Variants in OTUD6B observed in about 807,000 individuals in gnomAD.
OTUD6B encodes deubiquitinase OTUD6B.
A neutral mutation model predicts 36.9 loss-of-function variants in OTUD6B; 41 were observed. The ratio of observed to expected loss-of-function variants is 1.11; its 90% CI spans 0.87 to 1.44. OTUD6B has a LOEUF of 1.44. OTUD6B is among the 40% of genes most tolerant of loss of function. The pLI is 0.00. For missense variants in OTUD6B, 356 were observed against 344.8 expected (o/e 1.03, Z -0.26); for synonymous variants, 114 against 114.2 (o/e 1.00, Z 0.01).
intron 4 of OTUD6B, among the ~76,000 whole-genome samples, chr8:91,080,086 A>G (rs1468512738): frequency 6.6e-6 from 1 of 152,144 alleles, no homozygotes; most frequent in Non-Finnish European, 1.5e-5. Flanking sequence ...TTTATTTCTC[A>G]GGGCTGATGT....
At position 91,078,696 on chromosome 8, in the gene OTUD6B, A is replaced by G. The variant is rs781198031; in HGVS notation, c.628+28A>G. The G allele has an allele frequency of 1.9e-5, 27 of 1,454,178 alleles. No individual in the cohort carries two copies. In the Middle Eastern group the frequency reaches 5.2e-4, roughly 28 times the overall value. The allele number at this position is 1,454,178 out of a possible 1,614,324, so 90.1% of individuals were successfully genotyped here. The stretch of plus-strand genomic sequence containing the variant: ...AATTTATTTTTCTTTACTATGTTTT[A>G]TTGTTGCTTTGTTGTAGTTGTTTTT... On this transcript the variant is annotated intron_variant, in intron 4 of 6. Transcript: ENST00000404789.
Position 91,085,875 on chromosome 8 carries a change from G to A in OTUD6B, c.*1007G>A, listed in dbSNP as rs1160135777. On this transcript the variant is annotated 3_prime_UTR_variant, in exon 7 of 7. Coordinates refer to ENST00000404789, the MANE Select transcript of OTUD6B (RefSeq NM_016023.5). ...CTTCTTGCCTCATTCTCTAGGATTTGAATAAAACCTTTGCCACTTATTTTA... is the reference window on the plus strand; with the variant it reads ...CTTCTTGCCTCATTCTCTAGGATTTAAATAAAACCTTTGCCACTTATTTTA... 1 of 151,998 alleles carries A rather than the reference G, an allele frequency of 6.6e-6. No homozygotes were observed. Among genetic ancestry groups the A allele is most frequent in the Non-Finnish European group, 1.5e-5 (1 of 67,942 alleles). 9.4% of individuals were successfully genotyped at this position (151,998 alleles called of 1,614,324 possible). A position where few individuals can be genotyped will look rare whatever the true frequency, so the allele number is the denominator to read the frequency against.
At chr8:91,081,329 C>A (rs1182284884) in intron 5 of OTUD6B, among the ~76,000 whole-genome samples, 1 of 151,264 alleles carries the variant, frequency 6.6e-6, no homozygotes, top group East Asian at 1.9e-4. Context: ...TACTTTTTAG[C>A]TCTAATTTTA....
In OTUD6B at chr8:91,071,151, C is replaced by A; in HGVS notation, c.96C>A (p.Gly32=). ...EKKELQAKIQ[G]MKNAVPKNDK... ...ATGGCTTTTCAGCCAAAATTCAGGG[C>A]ATGAAGAATGCTGTTCCCAAGAATG... The change falls in exon 2 of 7, where the codon GGC becomes GGA. Residue 32 remains glycine (G), a synonymous_variant. Coordinates refer to ENST00000404789, the MANE Select transcript of OTUD6B (RefSeq NM_016023.5). 6.2e-7 allele frequency: 1 copy of A among 1,612,676 alleles called. No individual in the cohort carries two copies. Among genetic ancestry groups the A allele is most frequent in the Non-Finnish European group, 8.5e-7 (1 of 1,179,542 alleles).
rs1399392801 is a variant in OTUD6B, at chr8:91,070,521, G to A, written c.82+55G>A. The stretch of plus-strand genomic sequence containing the variant: ...GCCGCCGCGACTGGGGGAAGGGCGC[G>A]TGGCGGGTCGATTCTGGGGAATCTC... On this transcript the variant is annotated intron_variant, in intron 1 of 6. Transcript: ENST00000404789. 1.3e-5 allele frequency: 19 copies of A among 1,517,364 alleles called. 1 individual carries two copies. The highest frequency in any genetic ancestry group is 2.8e-5 in the African/African-American group (2 of 72,446). 94.0% of individuals were successfully genotyped at this position (1,517,364 alleles called of 1,614,324 possible).
At chr8:91,076,332 A>ATAT (rs1812802264) in intron 3 of OTUD6B, 1 of 327,440 alleles carries the variant, frequency 3.1e-6, no homozygotes, top group Non-Finnish European at 4.4e-6. Flanking sequence ...GTAGAAACCA[A>ATAT]AGTGCCTAGT....
Position 91,084,925 on chromosome 8 carries a change from AC to A in OTUD6B, c.*59del. The A allele has an allele frequency of 1.2e-6, 1 of 856,980 alleles. No individual in the cohort carries two copies. Among genetic ancestry groups the A allele is most frequent in the Non-Finnish European group, 1.8e-6 (1 of 569,694 alleles). 53.1% of individuals were successfully genotyped at this position (856,980 alleles called of 1,614,324 possible). A position where few individuals can be genotyped will look rare whatever the true frequency, so the allele number is the denominator to read the frequency against. On this transcript the variant is annotated 3_prime_UTR_variant, in exon 7 of 7. Coordinates refer to ENST00000404789, the MANE Select transcript of OTUD6B (RefSeq NM_016023.5). Reference sequence around the variant, plus strand: ...ACAGTGTGCTGAACTGAGTATTTCTACCAAGTGTTGGGTTGTTCTAAATGCT... The same window carrying A: ...ACAGTGTGCTGAACTGAGTATTTCTACAAGTGTTGGGTTGTTCTAAATGCT...
At chr8:91,075,138 T>C (rs978614447) in intron 3 of OTUD6B, among the ~76,000 whole-genome samples, 25 of 152,212 alleles carry the variant, frequency 1.6e-4, no homozygotes, top group Admixed American at 1.2e-3. Flanking sequence ...GCAATGTCTT[T>C]TTTTGTTTGC....
intron 5 of OTUD6B, among the ~76,000 whole-genome samples, chr8:91,081,005 C>T (rs1436157677): frequency 6.6e-6 from 1 of 151,984 alleles, no homozygotes; most frequent in Admixed American, 6.6e-5. Context: ...GTCTTTTCAT[C>T]GTGATAGTAG....
intron 3 of OTUD6B, 125 bp from the exon 4 acceptor site, chr8:91,078,231 T>C: frequency 1.4e-6 from 2 of 1,438,698 alleles, no homozygotes; most frequent in Middle Eastern, 2.3e-4. Context: ...AATGTGATAG[T>C]GTTTGTGCGA....
At chr8:91,084,720 G>A (rs891366760) in intron 6 of OTUD6B, 64 bp from the exon 7 acceptor site, 3 of 1,279,614 alleles carry the variant, frequency 2.3e-6, no homozygotes, top group South Asian at 3.7e-5. Flanking sequence ...TATATAATAA[G>A]CATATATATA....
intron 1 of OTUD6B, 166 bp from the exon 2 acceptor site, chr8:91,070,972 T>C: frequency 1.2e-6 from 1 of 864,910 alleles, no homozygotes; most frequent in Non-Finnish European, 1.4e-6. Flanking sequence ...TGGTCTCAGC[T>C]TTATCTGGGA....
At chr8:91,072,097 A>T in intron 2 of OTUD6B, among the ~76,000 whole-genome samples, 1 of 152,260 alleles carries the variant, frequency 6.6e-6, no homozygotes, top group Non-Finnish European at 1.5e-5. Context: ...AAGTTGGAGC[A>T]TCCTAACTTT....
At chr8:91,084,511 C>G (rs1183593893) in intron 6 of OTUD6B, 1 of 153,338 alleles carries the variant, frequency 6.5e-6, no homozygotes, top group Non-Finnish European at 1.4e-5. Flanking sequence ...TTAAGATAGT[C>G]ATCAATGGCT....
intron 5 of OTUD6B, among the ~76,000 whole-genome samples, 180 bp downstream of exon 5, chr8:91,080,910 A>C (rs1484294593): frequency 2.0e-5 from 3 of 152,154 alleles, no homozygotes; most frequent in Admixed American, 6.6e-5. Context: ...TCTGTGATTA[A>C]AGTATGTATG....
chr8:91,083,924 G>C, intron 5 of OTUD6B, 84 bp from the exon 6 acceptor site: 1 of 1,525,496 alleles, frequency 6.6e-7, no homozygotes, highest in Non-Finnish European at 8.8e-7. Context: ...GCGTATCCCT[G>C]CTCTGACTGG....
At chr8:91,077,954 C>T (rs909774283) in intron 3 of OTUD6B, among the ~76,000 whole-genome samples, 4 of 151,926 alleles carry the variant, frequency 2.6e-5, no homozygotes, top group Admixed American at 2.0e-4. Flanking sequence ...CATATTAACA[C>T]GTTACTGGTG....
rs1812747132 is a variant in OTUD6B, at chr8:91,073,716, T to A, written c.235-115T>A. ...AGAAACAGGAGACAAAACCATATTA[T>A]CTAATACAGTGTCTATTGCTGTTAC... On this transcript the variant is annotated intron_variant, in intron 2 of 6. Transcript: ENST00000404789. 6 of 1,333,658 alleles carry A rather than the reference T, an allele frequency of 4.5e-6. No homozygotes were observed. The South Asian group carries it at 1.0e-4, about 22-fold the overall frequency. The allele number at this position is 1,333,658 out of a possible 1,614,324, so 82.6% of individuals were successfully genotyped here.
At chr8:91,076,677 G>A (rs900924702) in intron 3 of OTUD6B, 131 of 1,426,164 alleles carry the variant, frequency 9.2e-5, no homozygotes, top group Middle Eastern at 1.7e-4. Context: ...ATCTTTCTGC[G>A]TGCTGTTTCC....
Sources: allele counts gnomAD v4.1 joint callset (sites outside exome capture counted in the v4.1 genomes callset), GRCh38; gene constraint gnomAD v4.1.1; transcripts MANE v1.5; gene names NCBI Gene and HGNC (gene_info 2026-07-23, HGNC 2026-07-21).